Variants in CNTN4 observed in about 807,000 individuals in gnomAD.
The protein encoded by CNTN4 is contactin-4.
In CNTN4, 77 loss-of-function variants were observed where a neutral mutation model predicts 122.5. That is an observed-to-expected ratio of 0.63 (90% CI 0.52 to 0.76). CNTN4 has a LOEUF of 0.76. Among genes scored for constraint, CNTN4 ranks in the 30% least tolerant of loss-of-function variants. CNTN4 has a pLI of 0.00. For synonymous variants in CNTN4, 512 were observed against 447.0 expected, an observed-to-expected ratio of 1.15 and a Z score of -1.83; for missense variants, 1,256 against 1,259.1, an observed-to-expected ratio of 1.00 and a Z score of 0.04.
At chr3:2,149,690 A>C in intron 2 of CNTN4, among the ~76,000 whole-genome samples, 1 of 152,338 alleles carries the variant, frequency 6.6e-6, no homozygotes, top group Middle Eastern at 3.4e-3. Context: ...TAAGAATAGT[A>C]ATGTTTACAT....
intron 3 of CNTN4, among the ~76,000 whole-genome samples, chr3:2,533,469 T>A (rs1432001738): frequency 6.8e-6 from 1 of 146,752 alleles, no homozygotes; most frequent in Non-Finnish European, 1.5e-5. Context: ...GAACTCATCC[T>A]TTTTTATGGC....
At chr3:3,034,606 A>G (rs771618345) in intron 16 of CNTN4, 26 bp from the exon 17 acceptor site, 24 of 1,613,640 alleles carry the variant, frequency 1.5e-5, no homozygotes, top group East Asian at 4.5e-5. Context: ...CACTGCTCCA[A>G]TTCTGGGGGT....
At chr3:2,316,870 T>C (rs1039863824) in intron 2 of CNTN4, among the ~76,000 whole-genome samples, 1 of 152,300 alleles carries the variant, frequency 6.6e-6, no homozygotes, top group South Asian at 2.1e-4. Flanking sequence ...TGCCTATTGA[T>C]GCAAACCTTT....
intron 4 of CNTN4, among the ~76,000 whole-genome samples, chr3:2,713,286 A>G (rs1017310746): frequency 1.3e-5 from 2 of 152,200 alleles, no homozygotes; most frequent in Non-Finnish European, 2.9e-5. Flanking sequence ...TCCCACGCAC[A>G]CACATTTGGT....
intron 2 of CNTN4, among the ~76,000 whole-genome samples, chr3:2,179,010 G>A (rs1054028006): frequency 6.6e-6 from 1 of 151,982 alleles, no homozygotes; most frequent in Admixed American, 6.6e-5. Flanking sequence ...TCTGTTTAAT[G>A]AATGTCCCTG....
chr3:2,821,092 G>C (rs1237337795), intron 7 of CNTN4, among the ~76,000 whole-genome samples: 1 of 150,464 alleles, frequency 6.6e-6, no homozygotes, highest in Non-Finnish European at 1.5e-5. Flanking sequence ...CTTCCGAGTA[G>C]CTGGGATTAC....
At chr3:3,037,751 A>G (rs1198692910) in intron 18 of CNTN4, 3 of 258,912 alleles carry the variant, frequency 1.2e-5, no homozygotes, top group Non-Finnish European at 1.5e-5. Flanking sequence ...GAATAGAAAT[A>G]AAAAATAATT....
chr3:2,915,565 G>A (rs1406559940), intron 12 of CNTN4, among the ~76,000 whole-genome samples: 1 of 152,156 alleles, frequency 6.6e-6, no homozygotes. Context: ...CTGAGAGTGG[G>A]CATCCTTGCT....
intron 2 of CNTN4, among the ~76,000 whole-genome samples, chr3:2,193,371 T>C (rs746528052): frequency 4.6e-5 from 7 of 151,486 alleles, no homozygotes; most frequent in African/African-American, 1.7e-4. Flanking sequence ...CCACTCCTGA[T>C]AGAGAACATC....
intron 6 of CNTN4, among the ~76,000 whole-genome samples, chr3:2,773,762 CTT>C (rs1234334638): frequency 1.9e-5 from 2 of 107,536 alleles, no homozygotes; most frequent in Admixed American, 1.2e-4. Context: ...ATGTAGTAGA[CTT>C]TTTTTTTTTT....
chr3:2,962,994 G>A lies in CNTN4; in HGVS notation c.1359-25351G>A, dbSNP rs961515876. Among the ~76,000 whole-genome samples the A allele has an allele frequency of 2.0e-4, 31 of 152,106 alleles. 1 individual carries two copies. Among genetic ancestry groups the A allele is most frequent in the Non-Finnish European group, 1.5e-5 (1 of 68,002 alleles). On this transcript the variant is annotated intron_variant, in intron 13 of 24. Coordinates refer to ENST00000418658, the MANE Select transcript of CNTN4 (RefSeq NM_175607.3). Reference sequence around the variant, plus strand: ...TAGCTCTAGCTGCAGTTTGATCAGCGCAGAGTAGAATGGGGTTATCCCCTC... The same window carrying A: ...TAGCTCTAGCTGCAGTTTGATCAGCACAGAGTAGAATGGGGTTATCCCCTC...
chr3:2,729,287 G>A (rs771484847), intron 4 of CNTN4, among the ~76,000 whole-genome samples: 7 of 152,200 alleles, frequency 4.6e-5, no homozygotes, highest in East Asian at 1.9e-4. Flanking sequence ...GAAAGTGGCC[G>A]GGCGCGGTGG....
intron 6 of CNTN4, among the ~76,000 whole-genome samples, chr3:2,805,110 G>A (rs1302398433): frequency 6.6e-6 from 1 of 152,098 alleles, no homozygotes; most frequent in Non-Finnish European, 1.5e-5. Context: ...CTGGGAGGCG[G>A]AGGTTGCAGT....
chr3:2,686,930 A>G (rs2085461379), intron 4 of CNTN4, among the ~76,000 whole-genome samples: 1 of 152,122 alleles, frequency 6.6e-6, no homozygotes, highest in Admixed American at 6.5e-5. Flanking sequence ...CCAAGTGGAG[A>G]TGCTTTGGAG....
chr3:2,959,484 C>T (rs1294513402), intron 13 of CNTN4, among the ~76,000 whole-genome samples: 1 of 151,796 alleles, frequency 6.6e-6, no homozygotes, highest in Non-Finnish European at 1.5e-5. Flanking sequence ...ATAATTATGC[C>T]TATCAACATA....
intron 14 of CNTN4, chr3:2,988,679 T>C: frequency 1.7e-6 from 1 of 589,232 alleles, no homozygotes. Context: ...TATTTCAGAA[T>C]CATCCAATAC....
chr3:2,844,843 A>G (rs17584516), intron 7 of CNTN4, among the ~76,000 whole-genome samples: 43,570 of 152,040 alleles, frequency 0.29, 6,276 homozygotes, highest in Non-Finnish European at 0.32. Flanking sequence ...GACTTTCTGG[A>G]TAAACAGTCT....
At position 2,456,497 on chromosome 3, in the gene CNTN4, G is replaced by A. The variant is rs76779371; in HGVS notation, c.-88-114919G>A. Among the ~76,000 whole-genome samples, 800 of 152,064 alleles carry A rather than the reference G, an allele frequency of 5.3e-3. 10 individuals carry two copies. Among genetic ancestry groups the A allele is most frequent in the African/African-American group, 0.018 (738 of 41,486 alleles). The stretch of plus-strand genomic sequence containing the variant: ...CACCTTCAAATAAAACCCCATTCCC[G>A]TTAAGGAGTTACTCAGCATTCCTCT... On this transcript the variant is annotated intron_variant, in intron 3 of 24. Coordinates refer to ENST00000418658, the MANE Select transcript of CNTN4 (RefSeq NM_175607.3).
In CNTN4 at chr3:2,837,484, G is replaced by T. The variant is rs75689282; in HGVS notation, c.454+17903G>T. 1.7e-4 allele frequency among the ~76,000 whole-genome samples: 26 copies of T among 152,288 alleles called. No homozygotes were observed. The East Asian group carries it at 5.0e-3, about 29-fold the overall frequency. ...AGTGGCAGGCCCTCACGGTGTTACTGGGGCAAGTGTGCAGTGACGTGCATT... is the reference window on the plus strand; with the variant it reads ...AGTGGCAGGCCCTCACGGTGTTACTTGGGCAAGTGTGCAGTGACGTGCATT... On this transcript the variant is annotated intron_variant, in intron 7 of 24. Transcript: ENST00000418658.
Sources: allele counts gnomAD v4.1 joint callset (sites outside exome capture counted in the v4.1 genomes callset), GRCh38; gene constraint gnomAD v4.1.1; transcripts MANE v1.5; gene names NCBI Gene and HGNC (gene_info 2026-07-23, HGNC 2026-07-21).